The following CARD18 variants were observed in gnomAD, a reference collection of about 807,000 sequenced individuals.
CARD18 encodes caspase recruitment domain-containing protein 18.
A neutral mutation model predicts 7.9 loss-of-function variants in CARD18; 7 were observed. That is an observed-to-expected ratio of 0.88 (90% confidence interval 0.50 to 1.66). The LOEUF (loss-of-function observed/expected upper bound fraction) is 1.66, where lower values mean the gene tolerates loss of function less well. Among genes scored for constraint, CARD18 ranks in the 40% most tolerant of loss-of-function variants. The pLI is 0.00. For missense variants in CARD18, 134 were observed against 105.5 expected, an observed-to-expected ratio of 1.27 and a Z score of -1.18; for synonymous variants, 34 against 34.8, an observed-to-expected ratio of 0.98 and a Z score of 0.08.
intron 1 of CARD18, 169 bp downstream of exon 1, chr11:105,139,551 C>T (rs1221960278): frequency 3.1e-6 from 2 of 650,056 alleles, no homozygotes; most frequent in East Asian, 5.4e-5. Flanking sequence ...TCTGTTCCTT[C>T]AAAAACGCTG....
intron 1 of CARD18, 65 bp from the exon 2 acceptor site, chr11:105,139,143 C>T: frequency 1.3e-6 from 2 of 1,521,996 alleles, no homozygotes; most frequent in South Asian, 2.4e-5. Flanking sequence ...AATTTACCAA[C>T]AGGGTAACAA....
chr11:105,138,342 C>A (rs1207729871), intron 2 of CARD18, among the ~76,000 whole-genome samples: 1 of 152,072 alleles, frequency 6.6e-6, no homozygotes, highest in East Asian at 1.9e-4. Context: ...TATACACACT[C>A]AATTTATTCT....
At chr11:105,139,206 A>G in intron 1 of CARD18, 128 bp from the exon 2 acceptor site, 1 of 1,019,742 alleles carries the variant, frequency 9.8e-7, no homozygotes, top group Non-Finnish European at 1.4e-6. Context: ...ACGGTCTTAT[A>G]CCTTTGCATT....
At chr11:105,139,274 T>C in intron 1 of CARD18, 196 bp from the exon 2 acceptor site, 1 of 599,882 alleles carries the variant, frequency 1.7e-6, no homozygotes, top group Non-Finnish European at 2.8e-6. Flanking sequence ...CTGAGTGACC[T>C]GGGAAACTTG....
chr11:105,139,181 C>A, intron 1 of CARD18, 103 bp from the exon 2 acceptor site: 1 of 1,293,668 alleles, frequency 7.7e-7, no homozygotes, highest in Non-Finnish European at 1.1e-6. Context: ...TCCACAAGTA[C>A]AGTAATCCCA....
At chr11:105,139,683 C>T in intron 1 of CARD18, 37 bp downstream of exon 1, 1 of 1,597,320 alleles carries the variant, frequency 6.3e-7, no homozygotes, top group African/African-American at 1.3e-5. Context: ...AAACTAATTC[C>T]TCCCTAAGAC....
At chr11:105,139,261 T>C (rs1306640833) in intron 1 of CARD18, 183 bp from the exon 2 acceptor site, 2 of 632,164 alleles carry the variant, frequency 3.2e-6, no homozygotes, top group Non-Finnish European at 5.3e-6. Context: ...CTACATATGC[T>C]CACTGAGTGA....
At chr11:105,139,144 AG>A in intron 1 of CARD18, 66 bp from the exon 2 acceptor site, 1 of 1,519,056 alleles carries the variant, frequency 6.6e-7, no homozygotes, top group Non-Finnish European at 8.9e-7. Context: ...ATTTACCAAC[AG>A]GGTAACAATC....
intron 1 of CARD18, chr11:105,139,492 CAAAATT>C: frequency 1.7e-6 from 1 of 572,726 alleles, no homozygotes; most frequent in Non-Finnish European, 3.1e-6. Flanking sequence ...ACAACACTAG[CAAAATT>C]ATAGCAGATA....
chr11:105,139,168 C>A, intron 1 of CARD18, 90 bp from the exon 2 acceptor site: 3 of 1,398,722 alleles, frequency 2.1e-6, no homozygotes, highest in Admixed American at 3.9e-5. Context: ...TTAAACATTT[C>A]TCTCCACAAG....
Position 105,138,820 on chromosome 11 carries a change from A to C in CARD18, c.266T>G (p.Leu89Trp). ...GAATCATTCCACCTTACCTTAGTGC[A>C]AACCCATCTTTGAGGCAAGTTGAGG... ...EDPQLASKMGLH is the reference protein window; with the variant it reads ...EDPQLASKMGWH Residue 89 changes from leucine (L) to tryptophan (W), a missense_variant, in exon 2 of 3, where the codon TTG (leucine) becomes TGG (tryptophan). Coordinates refer to ENST00000530950, the MANE Select transcript of CARD18 (RefSeq NM_021571.4). The C allele has an allele frequency of 6.2e-7, 1 of 1,613,558 alleles. No individual in the cohort carries two copies. Among genetic ancestry groups the C allele is most frequent in the Non-Finnish European group, 8.5e-7 (1 of 1,179,602 alleles).
At position 105,138,793 on chromosome 11, in the gene CARD18, T is replaced by C; in HGVS notation, c.*1+19A>G. 1 of 1,612,014 alleles carries C rather than the reference T, an allele frequency of 6.2e-7. No homozygotes were observed. Among genetic ancestry groups the C allele is most frequent in the South Asian group, 1.1e-5 (1 of 90,976 alleles). On this transcript the variant is annotated intron_variant, in intron 2 of 2. Coordinates refer to ENST00000530950, the MANE Select transcript of CARD18 (RefSeq NM_021571.4). Reference sequence around the variant, plus strand: ...ATACAGGGCCTATTTGGACATTAGGTTGAATCATTCCACCTTACCTTAGTG... The same window carrying C: ...ATACAGGGCCTATTTGGACATTAGGCTGAATCATTCCACCTTACCTTAGTG...
chr11:105,139,189 C>T (rs1441184407), intron 1 of CARD18, 111 bp from the exon 2 acceptor site: 3 of 1,219,142 alleles, frequency 2.5e-6, no homozygotes, highest in Non-Finnish European at 2.3e-6. Flanking sequence ...TACAGTAATC[C>T]CAAGGAACGG....
chr11:105,138,417 G>T (rs1865432500), intron 2 of CARD18, among the ~76,000 whole-genome samples: 1 of 152,026 alleles, frequency 6.6e-6, no homozygotes, highest in Admixed American at 6.6e-5. Flanking sequence ...GTAAGAGCAG[G>T]GTGGTAGGTA....
chr11:105,138,773 G>C, intron 2 of CARD18, 39 bp downstream of exon 2: 2 of 1,602,170 alleles, frequency 1.2e-6, no homozygotes, highest in Admixed American at 1.7e-5. Flanking sequence ...TCAAGATACA[G>C]GGCCTATTTG....
At chr11:105,139,237 G>T in intron 1 of CARD18, 159 bp from the exon 2 acceptor site, 1 of 749,946 alleles carries the variant, frequency 1.3e-6, no homozygotes, top group Non-Finnish European at 2.1e-6. Flanking sequence ...ACTTCCTTCT[G>T]ATTCTAGCAT....
chr11:105,138,469 T>C (rs1290708596), intron 2 of CARD18, among the ~76,000 whole-genome samples: 1 of 152,130 alleles, frequency 6.6e-6, no homozygotes, highest in African/African-American at 2.4e-5. Context: ...ATACATGGGC[T>C]TCTTAGGCTC....
At chr11:105,139,528 T>C (rs1865447300) in intron 1 of CARD18, 192 bp downstream of exon 1, 2 of 601,172 alleles carry the variant, frequency 3.3e-6, no homozygotes, top group East Asian at 5.5e-5. Context: ...TCCCAGATTC[T>C]TCCTGGCCTT....
Position 105,138,101 on chromosome 11 carries a change from G to A in CARD18, c.*2-3C>T, listed in dbSNP as rs1397891139. 6.6e-6 allele frequency: 1 copy of A among 152,152 alleles called. No homozygotes were observed. Among genetic ancestry groups the A allele is most frequent in the Admixed American group, 6.6e-5 (1 of 15,260 alleles). 9.4% of individuals were successfully genotyped at this position (152,152 alleles called of 1,614,324 possible). ...TGCTCCAGAGTTCCATCTTCTCTCT[G>A]TGGAGGGAGAAAAGTGGTATTGGAA... On this transcript the variant is annotated splice_region_variant and splice_polypyrimidine_tract_variant and intron_variant, in intron 2 of 2. Coordinates refer to ENST00000530950, the MANE Select transcript of CARD18 (RefSeq NM_021571.4).
Sources: allele counts gnomAD v4.1 joint callset (sites outside exome capture counted in the v4.1 genomes callset), GRCh38; gene constraint gnomAD v4.1.1; transcripts MANE v1.5; gene names NCBI Gene and HGNC (gene_info 2026-07-23, HGNC 2026-07-21).